The following RAB2A variants were observed in gnomAD, a reference collection of about 807,000 sequenced individuals.
The protein encoded by RAB2A is RAB2A, member RAS oncogene family.
In RAB2A, 7 loss-of-function variants were observed where a neutral mutation model predicts 32.5. That is an observed-to-expected ratio of 0.22 (90% CI 0.12 to 0.40). The LOEUF (loss-of-function observed/expected upper bound fraction) is 0.40. Among genes scored for constraint, RAB2A ranks in the 10% least tolerant of loss-of-function variants. RAB2A has a pLI of 1.00. For synonymous variants in RAB2A, 79 were observed against 85.2 expected (o/e 0.93, Z 0.40); for missense variants, 108 against 260.7 (o/e 0.41, Z 4.03).
chr8:60,552,314 T>G (rs1807865487), intron 1 of RAB2A: 1 of 151,930 alleles, frequency 6.6e-6, no homozygotes, highest in Admixed American at 6.6e-5. Flanking sequence ...TTTTTAAATT[T>G]TTTTATACCT....
intron 6 of RAB2A, among the ~76,000 whole-genome samples, chr8:60,612,840 G>A (rs1804376910): frequency 6.6e-6 from 1 of 152,162 alleles, no homozygotes; most frequent in African/African-American, 2.4e-5. Context: ...AAAGAGGCGG[G>A]GAAGAGGCAG....
Position 60,526,030 on chromosome 8 carries a change from T to C in RAB2A, c.46+8777T>C, listed in dbSNP as rs1185921798. On this transcript the variant is annotated intron_variant, in intron 1 of 7. Coordinates refer to ENST00000262646, the MANE Select transcript of RAB2A (RefSeq NM_002865.3). ...ATATGTGTGTGTGTACATATATATA[T>C]ATATATATATATATATATATATATA... Among the ~76,000 whole-genome samples, 856 of 95,720 alleles carry C rather than the reference T, an allele frequency of 8.9e-3. 20 individuals carry two copies. Among genetic ancestry groups the C allele is most frequent in the African/African-American group, 0.04 (811 of 20,138 alleles). 62.8% of individuals were successfully genotyped at this position (95,720 alleles called of 152,430 possible).
chr8:60,580,044 TG>T (rs1803715536), intron 3 of RAB2A, among the ~76,000 whole-genome samples: 1 of 150,858 alleles, frequency 6.6e-6, no homozygotes, highest in African/African-American at 2.4e-5. Context: ...TTGCCCAGGC[TG>T]GAGTGCAATG....
chr8:60,612,024 A>G (rs1235111147), intron 6 of RAB2A, among the ~76,000 whole-genome samples: 6 of 152,160 alleles, frequency 3.9e-5, no homozygotes, highest in Admixed American at 6.5e-5. Flanking sequence ...GGTTTGTTCC[A>G]TAGGTATACA....
chr8:60,548,654 C>T (rs1807786488), intron 1 of RAB2A, among the ~76,000 whole-genome samples: 1 of 146,954 alleles, frequency 6.8e-6, no homozygotes, highest in African/African-American at 2.5e-5. Context: ...GACCCCCCCA[C>T]CTCCCTCCCG....
At chr8:60,539,099 C>A (rs1432680749) in intron 1 of RAB2A, among the ~76,000 whole-genome samples, 1 of 152,078 alleles carries the variant, frequency 6.6e-6, no homozygotes, top group African/African-American at 2.4e-5. Flanking sequence ...TGTGATCTTT[C>A]CAGTGAGCAT....
At chr8:60,529,139 T>C (rs929074160) in intron 1 of RAB2A, among the ~76,000 whole-genome samples, 13 of 152,192 alleles carry the variant, frequency 8.5e-5, no homozygotes, top group Non-Finnish European at 1.8e-4. Context: ...TTTTCATTAT[T>C]GATTTCTGAC....
intron 1 of RAB2A, among the ~76,000 whole-genome samples, chr8:60,521,665 G>A (rs1407760587): frequency 6.6e-6 from 1 of 152,112 alleles, no homozygotes; most frequent in Non-Finnish European, 1.5e-5. Flanking sequence ...TTGTCACCCA[G>A]GCTGGAGTGC....
chr8:60,583,955 G>T, intron 3 of RAB2A: 1 of 307,412 alleles, frequency 3.3e-6, no homozygotes, highest in Non-Finnish European at 6.3e-6. Context: ...TTGCCAAAAA[G>T]GGTTTAGAGG....
chr8:60,556,209 G>T (rs1348307272), intron 1 of RAB2A, among the ~76,000 whole-genome samples: 1 of 152,154 alleles, frequency 6.6e-6, no homozygotes, highest in Non-Finnish European at 1.5e-5. Flanking sequence ...TTAGAGGCCG[G>T]GAAGGGTAGG....
chr8:60,564,251 T>C (rs1370508992), intron 2 of RAB2A, among the ~76,000 whole-genome samples: 5 of 152,204 alleles, frequency 3.3e-5, no homozygotes, highest in Non-Finnish European at 7.3e-5. Flanking sequence ...CACCACTGCA[T>C]TGACCCACCT....
intron 1 of RAB2A, among the ~76,000 whole-genome samples, chr8:60,556,207 C>T (rs76398321): frequency 3.3e-5 from 5 of 151,700 alleles, no homozygotes; most frequent in South Asian, 2.1e-4. Flanking sequence ...TATTAGAGGC[C>T]GGGAAGGGTA....
At chr8:60,620,309 A>G (rs1346301351) in intron 7 of RAB2A, among the ~76,000 whole-genome samples, 1 of 152,224 alleles carries the variant, frequency 6.6e-6, no homozygotes, top group South Asian at 2.1e-4. Flanking sequence ...GTCTAGAGAA[A>G]AGATTTTACG....
intron 3 of RAB2A, among the ~76,000 whole-genome samples, chr8:60,574,638 A>C (rs1157087826): frequency 6.6e-6 from 1 of 152,204 alleles, no homozygotes; most frequent in Admixed American, 6.5e-5. Flanking sequence ...AACTTGAGTA[A>C]GCCATTCATT....
At chr8:60,545,709 A>C (rs1807716912) in intron 1 of RAB2A, among the ~76,000 whole-genome samples, 1 of 152,226 alleles carries the variant, frequency 6.6e-6, no homozygotes, top group Non-Finnish European at 1.5e-5. Flanking sequence ...GGAAGAAGGT[A>C]AGGTATTGGT....
At chr8:60,553,416 C>T (rs1365693585) in intron 1 of RAB2A, among the ~76,000 whole-genome samples, 1 of 152,192 alleles carries the variant, frequency 6.6e-6, no homozygotes, top group Non-Finnish European at 1.5e-5. Flanking sequence ...TGTTTGATTG[C>T]ATAACTAGGG....
intron 6 of RAB2A, among the ~76,000 whole-genome samples, chr8:60,594,384 A>T (rs1261499818): frequency 6.6e-6 from 1 of 152,202 alleles, no homozygotes; most frequent in Non-Finnish European, 1.5e-5. Context: ...GCAGCAAAAA[A>T]TAGCACCCTA....
chr8:60,565,214 T>C (rs1808085930), intron 2 of RAB2A, among the ~76,000 whole-genome samples: 2 of 152,068 alleles, frequency 1.3e-5, no homozygotes, highest in Non-Finnish European at 2.9e-5. Context: ...ATGCCACATG[T>C]TTGAGACCAG....
chr8:60,552,001 G>GTTT (rs78161048), intron 1 of RAB2A: 41 of 109,748 alleles, frequency 3.7e-4, no homozygotes, highest in African/African-American at 1.2e-3. Flanking sequence ...GTAGCTGGGA[G>GTTT]TTTTTTTTTT....
Sources: gnomAD v4.1 joint callset for allele counts (sites outside exome capture counted in the v4.1 genomes callset) on GRCh38, gnomAD v4.1.1 for gene constraint, MANE v1.5 for transcripts, NCBI Gene and HGNC (gene_info 2026-07-23, HGNC 2026-07-21) for gene names.